GATAD2A: variants seen among roughly 807,000 people sequenced by gnomAD.
GATAD2A encodes the protein transcriptional repressor p66-alpha.
Under a neutral mutation model 68.5 loss-of-function variants are expected in GATAD2A, and 12 were observed. The ratio of observed to expected loss-of-function variants is 0.18; its 90% CI spans 0.11 to 0.28. GATAD2A has a LOEUF of 0.28. GATAD2A is among the 10% of genes least tolerant of loss of function. GATAD2A has a pLI of 1.00. For missense variants in GATAD2A, 755 were observed against 868.5 expected (o/e 0.87, Z 1.64); for synonymous variants, 410 against 375.3 (o/e 1.09, Z -1.07).
chr19:19,501,286 G>A lies in GATAD2A; in HGVS notation c.1373G>A (p.Arg458Gln), dbSNP rs372493353. 9 of 1,613,214 alleles carry A rather than the reference G, an allele frequency of 5.6e-6. No homozygotes were observed. Among genetic ancestry groups the A allele is most frequent in the East Asian group, 2.2e-5 (1 of 44,898 alleles). Residue 458 changes from arginine to glutamine, a missense_variant, in exon 9 of 12, where the codon CGG becomes CAG. Arg to Gln is a conservative substitution (Grantham distance 43, BLOSUM62 1). Transcript: ENST00000683918. ...KKALKVEHTS[R>Q]LKAAFVKALQ... ...GCGCTCAAGGTGGAGCACACCAGCC[G>A]GCTGAAGGCCGCCTTTGTGAAGGCG...
At chr19:19,492,201 A>G (rs1199691424) in intron 2 of GATAD2A, 105 bp from the exon 3 acceptor site, 2 of 1,193,236 alleles carry the variant, frequency 1.7e-6, no homozygotes, top group East Asian at 5.1e-5. Context: ...CAGGGCAGAC[A>G]GGGAACAGAC....
intron 1 of GATAD2A, chr19:19,427,560 G>A (rs1201791799): frequency 6.6e-6 from 1 of 152,114 alleles, no homozygotes; most frequent in East Asian, 1.9e-4. Context: ...CTGGACAGGT[G>A]GGGTCATCCT....
intron 2 of GATAD2A, among the ~76,000 whole-genome samples, chr19:19,481,585 C>G (rs1259911200): frequency 6.6e-6 from 1 of 152,178 alleles, no homozygotes; most frequent in Non-Finnish European, 1.5e-5. Context: ...CTCAGCCTCC[C>G]AAAGCGCTGG....
chr19:19,460,482 TC>T (rs1410048777), intron 1 of GATAD2A, among the ~76,000 whole-genome samples: 3 of 152,180 alleles, frequency 2.0e-5, no homozygotes, highest in Non-Finnish European at 4.4e-5. Flanking sequence ...GGGCCCTTCT[TC>T]CTTCCTGATA....
intron 1 of GATAD2A, chr19:19,441,692 G>A: frequency 5.7e-6 from 1 of 176,678 alleles, no homozygotes; most frequent in Non-Finnish European, 1.2e-5. Flanking sequence ...CTCCCCAACA[G>A]TAGCTGGGAC....
Position 19,502,033 on chromosome 19 carries a change from C to T in GATAD2A, c.1568C>T (p.Ala523Val), listed in dbSNP as rs760784969. The T allele has an allele frequency of 6.2e-7, 1 of 1,613,330 alleles. No individual in the cohort carries two copies. The highest frequency in any genetic ancestry group is 8.5e-7 in the Non-Finnish European group (1 of 1,179,482). Residue 523 changes from alanine (A) to valine (V), a missense_variant, in exon 10 of 12, where the codon GCT (alanine) becomes GTT (valine). By Grantham distance (64) the Ala-to-Val change is moderately conservative. Coordinates refer to ENST00000683918, the MANE Select transcript of GATAD2A (RefSeq NM_001384528.1). ...SGEARDWSNGAVLQASSQLSR... is the reference protein window; with the variant it reads ...SGEARDWSNGVVLQASSQLSR... ...GAGGCCCGCGACTGGAGTAACGGGG[C>T]TGTGCTACAGGTCAGAACCGCACTG...
At position 19,421,118 on chromosome 19, in the gene GATAD2A, T is replaced by C. The variant is rs578168382; in HGVS notation, c.-7+15099T>C. On this transcript the variant is annotated intron_variant, in intron 1 of 11. Transcript: ENST00000683918. ...GACGGACAATGGGGGAGGCCTGGAC[T>C]GTGAGGATGCACGAGCAGTCCCATT... Among the ~76,000 whole-genome samples, 18 of 152,306 alleles carry C rather than the reference T, an allele frequency of 1.2e-4. No individual in the cohort carries two copies. In the East Asian group the frequency reaches 2.7e-3, roughly 23 times the overall value.
chr19:19,440,217 GA>G, intron 1 of GATAD2A: 1 of 328,240 alleles, frequency 3.0e-6, no homozygotes, highest in Non-Finnish European at 6.0e-6. Flanking sequence ...CTTATCTAAG[GA>G]AAGGTGGGGG....
rs562756948 is a variant in GATAD2A, at chr19:19,490,572, G to A, written c.270-1734G>A. 3.3e-5 allele frequency among the ~76,000 whole-genome samples: 5 copies of A among 152,276 alleles called. No homozygotes were observed. The South Asian group carries it at 6.2e-4, about 19-fold the overall frequency. ...TGGGTCACAGTGCCACCTAGAGGAC[G>A]TGTCTGTCCTTGGCTGGTTTTCCTG... On this transcript the variant is annotated intron_variant, in intron 2 of 11. Coordinates refer to ENST00000683918, the MANE Select transcript of GATAD2A (RefSeq NM_001384528.1).
chr19:19,475,273 C>A (rs1017582531), intron 2 of GATAD2A, among the ~76,000 whole-genome samples: 10 of 152,216 alleles, frequency 6.6e-5, no homozygotes, highest in Non-Finnish European at 1.5e-4. Flanking sequence ...TCTCATAGCC[C>A]AGGGACATGG....
chr19:19,475,487 C>CA (rs1555713823), intron 2 of GATAD2A, among the ~76,000 whole-genome samples: 6 of 41,808 alleles, frequency 1.4e-4, no homozygotes, highest in Admixed American at 2.7e-4. Context: ...CTGGAGCCCC[C>CA]CCCCCTCCAC....
intron 1 of GATAD2A, among the ~76,000 whole-genome samples, chr19:19,413,234 ACTG>A (rs2051175818): frequency 6.6e-6 from 1 of 151,992 alleles, no homozygotes; most frequent in African/African-American, 2.4e-5. Context: ...AGTTTTGAAA[ACTG>A]CTGCTACCAC....
intron 2 of GATAD2A, among the ~76,000 whole-genome samples, chr19:19,469,469 T>A (rs945525851): frequency 6.7e-6 from 1 of 149,856 alleles, no homozygotes; most frequent in Non-Finnish European, 1.5e-5. Context: ...ATTAAAGTTA[T>A]ACACTAAAAA....
At chr19:19,431,849 G>A (rs911604580) in intron 1 of GATAD2A, among the ~76,000 whole-genome samples, 1 of 152,116 alleles carries the variant, frequency 6.6e-6, no homozygotes, top group African/African-American at 2.4e-5. Context: ...CAGTAGCTGT[G>A]TTGTGTGGAG....
chr19:19,398,393 G>C (rs1169525014), intron 1 of GATAD2A, among the ~76,000 whole-genome samples: 1 of 151,730 alleles, frequency 6.6e-6, no homozygotes, highest in Admixed American at 6.6e-5. Context: ...TAGTAGAGAC[G>C]GGGTTTCATG....
intron 2 of GATAD2A, among the ~76,000 whole-genome samples, chr19:19,486,288 C>T (rs749260508): frequency 9.9e-5 from 15 of 152,234 alleles, no homozygotes; most frequent in East Asian, 5.8e-4. Flanking sequence ...GGCGAAGGCA[C>T]GGGCGGCCTG....
At chr19:19,411,125 G>A (rs974828461) in intron 1 of GATAD2A, among the ~76,000 whole-genome samples, 5 of 152,334 alleles carry the variant, frequency 3.3e-5, no homozygotes, top group African/African-American at 1.2e-4. Flanking sequence ...TTGTGCCCCA[G>A]CCTATTCCCC....
rs1012675039 is a variant in GATAD2A, at chr19:19,429,359, C to T, written c.-7+23340C>T. On this transcript the variant is annotated intron_variant, in intron 1 of 11. Coordinates refer to ENST00000683918, the MANE Select transcript of GATAD2A (RefSeq NM_001384528.1). ...GAACGGTGCGTGCAAAGGTCTGGCA[C>T]GGGGAGTAGGCAGGCGTGCTGGGTC... The T allele has an allele frequency of 5.5e-5, 20 of 362,984 alleles. No individual in the cohort carries two copies. In the Admixed American group the frequency reaches 7.7e-4, roughly 14 times the overall value. 22.5% of individuals were successfully genotyped at this position (362,984 alleles called of 1,614,324 possible).
At chr19:19,465,656 CA>C in intron 2 of GATAD2A, 42 bp downstream of exon 2, 1 of 1,556,344 alleles carries the variant, frequency 6.4e-7, no homozygotes, top group Non-Finnish European at 8.7e-7. Flanking sequence ...AACCTGGAGA[CA>C]AGCCCAGTGT....
Sources: allele counts gnomAD v4.1 joint callset (sites outside exome capture counted in the v4.1 genomes callset), GRCh38; gene constraint gnomAD v4.1.1; transcripts MANE v1.5; gene names NCBI Gene and HGNC (gene_info 2026-07-23, HGNC 2026-07-21).